Variants in RCC1 observed in about 807,000 individuals in gnomAD.
RCC1 encodes regulator of chromosome condensation 1, also known as regulator of chromosome condensation.
Under a neutral mutation model 44.4 loss-of-function variants are expected in RCC1, and 11 were observed. The ratio of observed to expected loss-of-function variants is 0.25; its 90% confidence interval spans 0.16 to 0.41. The LOEUF (loss-of-function observed/expected upper bound fraction) is 0.41, where lower values mean the gene tolerates loss of function less well. Ranked by LOEUF, RCC1 falls within the 10% of genes least tolerant of loss-of-function variation. The probability of loss-of-function intolerance (pLI) is 1.00; values close to 1 mark genes in which losing one functional copy is unlikely to be tolerated. For synonymous variants in RCC1, 213 were observed against 216.5 expected (o/e 0.98, Z 0.14); for missense variants, 386 against 547.1 (o/e 0.71, Z 2.94).
At chr1:28,506,856 C>G (rs1004252203) in intron 1 of RCC1, 1 of 158,398 alleles carries the variant, frequency 6.3e-6, no homozygotes, top group East Asian at 1.9e-4. Context: ...CGTGTACCAC[C>G]GCGCCTGGCT....
At chr1:28,527,159 GC>G in intron 4 of RCC1, 2 of 1,262,942 alleles carry the variant, frequency 1.6e-6, no homozygotes, top group South Asian at 1.3e-5. Context: ...TGGCAGAAAT[GC>G]CCCCAAGGAA....
At chr1:28,535,791 TGGA>T (rs1664510270) in intron 9 of RCC1, 77 bp from the exon 10 acceptor site, 11 of 1,480,276 alleles carry the variant, frequency 7.4e-6, no homozygotes, top group Non-Finnish European at 8.4e-6. Context: ...GCTTTTATAA[TGGA>T]GGAGAATTAA....
At chr1:28,528,870 G>C (rs72661798) in intron 4 of RCC1, among the ~76,000 whole-genome samples, 26,808 of 118,790 alleles carry the variant, frequency 0.23, 3,326 homozygotes, top group Non-Finnish European at 0.26. Flanking sequence ...TTTTTGGTTG[G>C]GGGGTGGAGT....
intron 4 of RCC1, chr1:28,518,562 G>T (rs904374247): frequency 1.3e-5 from 2 of 148,918 alleles, no homozygotes; most frequent in African/African-American, 4.9e-5. Flanking sequence ...CCCCTCCGCC[G>T]CCGCGCCTCT....
At chr1:28,530,006 G>A in intron 5 of RCC1, 67 bp downstream of exon 5, 1 of 1,258,084 alleles carries the variant, frequency 7.9e-7, no homozygotes, top group Non-Finnish European at 1.1e-6. Context: ...CCGGGACTGG[G>A]CTCCTTTCTT....
At chr1:28,523,169 C>A (rs1663404772) in intron 4 of RCC1, among the ~76,000 whole-genome samples, 1 of 151,056 alleles carries the variant, frequency 6.6e-6, no homozygotes, top group Non-Finnish European at 1.5e-5. Flanking sequence ...GTAGCTAGGA[C>A]TACAAGCGCC....
At chr1:28,509,497 C>CT (rs557166057) in intron 3 of RCC1, 165 of 153,474 alleles carry the variant, frequency 1.1e-3, no homozygotes, top group Non-Finnish European at 1.9e-3. Flanking sequence ...CCTCAGCCTC[C>CT]TAAAGTGCTG....
In RCC1 at chr1:28,508,666, G is replaced by A. The variant is rs1195151244; in HGVS notation, c.-228-164G>A. ...TACAGTCCCTTTCCACAACGTTGAA[G>A]ATGAAGCTGGGCCTCGTGTCTGCGC... is the stretch of plus-strand genomic sequence containing the variant. On this transcript the variant is annotated intron_variant, in intron 2 of 12. Transcript: ENST00000683442. The A allele has an allele frequency of 2.6e-3, 1,355 of 512,860 alleles. 25 individuals carry two copies. Among genetic ancestry groups the A allele is most frequent in the Non-Finnish European group, 3.4e-3 (860 of 255,860 alleles). 31.8% of individuals were successfully genotyped at this position (512,860 alleles called of 1,614,324 possible). A position where few individuals can be genotyped will look rare whatever the true frequency, so the allele number is the denominator to read the frequency against.
chr1:28,522,856 CAT>C (rs1446427457), intron 4 of RCC1, among the ~76,000 whole-genome samples: 1 of 151,016 alleles, frequency 6.6e-6, no homozygotes, highest in African/African-American at 2.4e-5. Context: ...TACACACACA[CAT>C]ATTTATTGAT....
In RCC1 at chr1:28,506,053, G is replaced by A. The variant is rs1383661762; in HGVS notation, c.-293G>A. Reference sequence around the variant, plus strand: ...TCGCGTTTTCTCTCTCCTTTTTGGAGACAGATTCGCAGTGGTCGCTTCTTC... The same window carrying A: ...TCGCGTTTTCTCTCTCCTTTTTGGAAACAGATTCGCAGTGGTCGCTTCTTC... On this transcript the variant is annotated 5_prime_UTR_variant, in exon 1 of 13. Coordinates refer to ENST00000683442, the MANE Select transcript of RCC1 (RefSeq NM_001381865.2). 5 of 456,092 alleles carry A rather than the reference G, an allele frequency of 1.1e-5. No individual in the cohort carries two copies. Among genetic ancestry groups the A allele is most frequent in the South Asian group, 7.7e-5 (5 of 64,564 alleles). 28.3% of individuals were successfully genotyped at this position (456,092 alleles called of 1,614,324 possible).
At chr1:28,512,411 G>A (rs902276104) in intron 3 of RCC1, among the ~76,000 whole-genome samples, 8 of 152,064 alleles carry the variant, frequency 5.3e-5, no homozygotes, top group Non-Finnish European at 8.8e-5. Context: ...ATCCTCAAGA[G>A]ACTGCATATG....
chr1:28,530,548 C>G (rs745575203), intron 5 of RCC1: 104 of 1,605,740 alleles, frequency 6.5e-5, no homozygotes, highest in South Asian at 1.9e-4. Flanking sequence ...CCTCCCGCCG[C>G]GTTCCTGGCG....
rs1557862687 is a variant in RCC1, at chr1:28,506,075, CT to C, written c.-269del. Reference sequence around the variant, plus strand: ...GGAGACAGATTCGCAGTGGTCGCTTCTTCTCCTTGGTAAGTGTGATCCTTGG... The same window carrying C: ...GGAGACAGATTCGCAGTGGTCGCTTCTCTCCTTGGTAAGTGTGATCCTTGG... On this transcript the variant is annotated 5_prime_UTR_variant, in exon 1 of 13. Transcript: ENST00000683442. 13 of 456,064 alleles carry C rather than the reference CT, an allele frequency of 2.9e-5. No homozygotes were observed. Among genetic ancestry groups the C allele is most frequent in the South Asian group, 2.0e-4 (13 of 64,566 alleles). The allele number at this position is 456,064 out of a possible 1,614,324, so 28.3% of individuals were successfully genotyped here. A position where few individuals can be genotyped will look rare whatever the true frequency, so the allele number is the denominator to read the frequency against.
intron 12 of RCC1, 83 bp from the exon 13 acceptor site, chr1:28,537,749 C>T (rs1192130772): frequency 4.0e-5 from 56 of 1,412,914 alleles, no homozygotes; most frequent in Non-Finnish European, 5.2e-5. Context: ...CCACAGTCCA[C>T]GCCCATGTCC....
At chr1:28,509,742 A>C (rs1398477795) in intron 3 of RCC1, 2 of 152,174 alleles carry the variant, frequency 1.3e-5, no homozygotes, top group Non-Finnish European at 2.9e-5. Context: ...AAGGCCCTGA[A>C]ACCTAGTCTC....
At chr1:28,515,750 AAAAAT>A (rs1662859875) in intron 3 of RCC1, among the ~76,000 whole-genome samples, 1 of 151,390 alleles carries the variant, frequency 6.6e-6, no homozygotes, top group African/African-American at 2.4e-5. Flanking sequence ...ACAAAACTAA[AAAAAT>A]AAAAATAAAG....
In RCC1 at chr1:28,536,493, AC is replaced by A; in HGVS notation, c.937+114del. 7.3e-7 allele frequency: 1 copy of A among 1,373,166 alleles called. No individual in the cohort carries two copies. Among genetic ancestry groups the A allele is most frequent in the Non-Finnish European group, 9.9e-7 (1 of 1,008,588 alleles). The allele number at this position is 1,373,166 out of a possible 1,614,324, so 85.1% of individuals were successfully genotyped here. The stretch of plus-strand genomic sequence containing the variant: ...AGCCTGGGTCTGTTCCATGGGTTGT[AC>A]CATACATGGGTCCATGAGAGTCACT... On this transcript the variant is annotated intron_variant, in intron 11 of 12. Coordinates refer to ENST00000683442, the MANE Select transcript of RCC1 (RefSeq NM_001381865.2). The surrounding 1 kb of genome is among the most constrained non-coding windows in gnomAD (Gnocchi z 4.9).
Position 28,536,411 on chromosome 1 carries a change from G to C in RCC1, c.937+30G>C, listed in dbSNP as rs1299678775. The C allele has an allele frequency of 1.2e-6, 2 of 1,606,856 alleles. No individual in the cohort carries two copies. The highest frequency in any genetic ancestry group is 2.2e-5 in the South Asian group (2 of 90,264). On this transcript the variant is annotated intron_variant, in intron 11 of 12. Transcript: ENST00000683442. This position sits in a 1 kb window ranked among gnomAD's most constrained non-coding sequence, Gnocchi z 4.9. ...GGCCTTTACGTCCTTCTCTAGTTTG[G>C]GGGTGGAGTGTTCCCTGGCCTAGGC...
chr1:28,535,876 C>T lies in RCC1; in HGVS notation c.667C>T (p.Leu223Phe). The T allele has an allele frequency of 6.2e-7, 1 of 1,612,536 alleles. No homozygotes were observed. Among genetic ancestry groups the T allele is most frequent in the Non-Finnish European group, 8.5e-7 (1 of 1,179,128 alleles). The change falls in exon 10 of 13, where the codon CTC (leucine) becomes TTC (phenylalanine). Residue 223 changes from leucine to phenylalanine, a missense_variant. Physicochemically the swap from Leu to Phe is conservative, Grantham distance 22. Transcript: ENST00000683442. ...GGCTTTCCCTTTGCCTGCAGAACGA[C>T]TCCTGGTCCCCAAGTGTGTGATGCT... ...NRGGRQGLER[L>F]LVPKCVMLKS...
Sources: allele counts gnomAD v4.1 joint callset (sites outside exome capture counted in the v4.1 genomes callset), GRCh38; gene constraint gnomAD v4.1.1; non-coding constraint Gnocchi (gnomAD v3.1); transcripts MANE v1.5; gene names NCBI Gene and HGNC (gene_info 2026-07-23, HGNC 2026-07-21).